Variants in ATP8A1 observed in about 807,000 individuals in gnomAD.
The protein encoded by ATP8A1 is ATPase phospholipid transporting 8A1, also known as phospholipid-transporting ATPase IA.
Under a neutral mutation model 177.7 loss-of-function variants are expected in ATP8A1, and 90 were observed. That is an observed-to-expected ratio of 0.51 (90% CI 0.43 to 0.60). The LOEUF is 0.60. Among genes scored for constraint, ATP8A1 ranks in the 20% least tolerant of loss-of-function variants. ATP8A1 has a pLI of 0.00. For synonymous variants in ATP8A1, 493 were observed against 485.9 expected (o/e 1.01, Z -0.19); for missense variants, 1,072 against 1,392.8 (o/e 0.77, Z 3.67).
At chr4:42,622,703 C>T (rs1737603236) in intron 4 of ATP8A1, among the ~76,000 whole-genome samples, 2 of 151,930 alleles carry the variant, frequency 1.3e-5, no homozygotes, top group Non-Finnish European at 2.9e-5. Flanking sequence ...AAGAAGAAAA[C>T]AACCCCATTA....
intron 18 of ATP8A1, among the ~76,000 whole-genome samples, chr4:42,550,049 T>G (rs1729340266): frequency 1.3e-5 from 2 of 152,216 alleles, no homozygotes; most frequent in African/African-American, 4.8e-5. Context: ...ATTCCCATCC[T>G]ATAAATCCCC....
chr4:42,539,558 A>G (rs1217058050), intron 20 of ATP8A1, among the ~76,000 whole-genome samples: 1 of 152,202 alleles, frequency 6.6e-6, no homozygotes, highest in Non-Finnish European at 1.5e-5. Flanking sequence ...AAAATTTATT[A>G]CAAGGCTATA....
intron 1 of ATP8A1, among the ~76,000 whole-genome samples, chr4:42,634,965 G>A (rs949211998): frequency 1.3e-5 from 2 of 152,002 alleles, no homozygotes; most frequent in African/African-American, 4.8e-5. Context: ...AACAGTTCCC[G>A]TCACCCTATC....
chr4:42,541,556 CA>C (rs1728389015), intron 20 of ATP8A1, among the ~76,000 whole-genome samples: 1 of 152,148 alleles, frequency 6.6e-6, no homozygotes, highest in Non-Finnish European at 1.5e-5. Flanking sequence ...TATGTTTACA[CA>C]AAAACATGCA....
rs538712291 is a variant in ATP8A1, at chr4:42,471,708, A to G, written c.2325-6632T>C. The G allele has an allele frequency of 1.1e-4, 30 of 267,260 alleles. No homozygotes were observed. In the East Asian group the frequency reaches 1.3e-3, roughly 11 times the overall value. The allele number at this position is 267,260 out of a possible 1,614,324, so 16.6% of individuals were successfully genotyped here. A position where few individuals can be genotyped will look rare whatever the true frequency, so the allele number is the denominator to read the frequency against. On this transcript the variant is annotated intron_variant, in intron 25 of 36. Transcript: ENST00000381668. The stretch of plus-strand genomic sequence containing the variant: ...TTGCTGTTCATTTTCTCTTCAGAAA[A>G]TATCATCTAGTTATATTGAACCTAG...
intron 33 of ATP8A1, among the ~76,000 whole-genome samples, chr4:42,430,386 A>G (rs771955346): frequency 2.6e-5 from 4 of 152,092 alleles, no homozygotes; most frequent in Non-Finnish European, 5.9e-5. Flanking sequence ...TCAACCCTCC[A>G]GAGACTTGGA....
chr4:42,485,547 C>G lies in ATP8A1; in HGVS notation c.2273G>C (p.Arg758Pro), dbSNP rs752026708. ...TLKYALTFGV[R>P]QYFLDLALSC... ...CAAAGCTAAGTCCAGGAAATACTGT[C>G]GTACTCCAAAGGTTAAGGCATATTT... Residue 758 changes from arginine (R) to proline (P), a missense_variant, in exon 25 of 37, where the codon CGA (arginine) becomes CCA (proline). This residue lies in a region of ATP8A1 where 388 missense variants were observed against 471.7 expected (regional missense o/e 0.82). Coordinates refer to ENST00000381668, the MANE Select transcript of ATP8A1 (RefSeq NM_006095.2). 2.5e-5 allele frequency: 41 copies of G among 1,613,450 alleles called. No individual in the cohort carries two copies. Among genetic ancestry groups the G allele is most frequent in the Non-Finnish European group, 3.3e-5 (39 of 1,179,756 alleles).
At chr4:42,542,793 TC>T (rs1728541556) in intron 20 of ATP8A1, among the ~76,000 whole-genome samples, 1 of 152,156 alleles carries the variant, frequency 6.6e-6, no homozygotes, top group Non-Finnish European at 1.5e-5. Flanking sequence ...TGCATAGTAT[TC>T]CATGGTGTAT....
chr4:42,489,291 T>G (rs574078265), intron 24 of ATP8A1, among the ~76,000 whole-genome samples: 42 of 152,310 alleles, frequency 2.8e-4, no homozygotes, highest in South Asian at 6.2e-4. Flanking sequence ...ACCCCAGAAC[T>G]GTGAAACGCC....
At chr4:42,463,754 C>T (rs988981051) in intron 27 of ATP8A1, among the ~76,000 whole-genome samples, 5 of 152,190 alleles carry the variant, frequency 3.3e-5, no homozygotes, top group South Asian at 4.1e-4. Context: ...AAATCCCTTG[C>T]TATCCAGACA....
rs914987479 is a variant in ATP8A1 at position 42,623,250 on chromosome 4, G to C, written c.363+1286C>G. ...GAACATTTATACACTGTTGGTGGGA[G>C]TGTAAATTAGTTTTGACCATTGTGG... On this transcript the variant is annotated intron_variant, in intron 4 of 36. Transcript: ENST00000381668. Among the ~76,000 whole-genome samples the C allele has an allele frequency of 2.6e-5, 4 of 152,152 alleles. No individual in the cohort carries two copies. The East Asian group carries it at 7.7e-4, about 29-fold the overall frequency.
At chr4:42,554,759 C>T (rs13133445) in intron 16 of ATP8A1, among the ~76,000 whole-genome samples, 53,681 of 151,938 alleles carry the variant, frequency 0.35, 9,718 homozygotes, top group Non-Finnish European at 0.4. Context: ...GACTGAAGGA[C>T]GCAAAGTGTT....
chr4:42,422,542 A>C (rs1371450334), intron 35 of ATP8A1, among the ~76,000 whole-genome samples: 1 of 152,098 alleles, frequency 6.6e-6, no homozygotes, highest in Non-Finnish European at 1.5e-5. Context: ...ACTTCATTCA[A>C]CTCTTACAAC....
At chr4:42,496,940 T>C (rs995560087) in intron 24 of ATP8A1, among the ~76,000 whole-genome samples, 33 of 152,290 alleles carry the variant, frequency 2.2e-4, no homozygotes, top group African/African-American at 7.2e-4. Flanking sequence ...CATTGTCATA[T>C]TCCAGAAGAG....
intron 30 of ATP8A1, 62 bp from the exon 31 acceptor site, chr4:42,446,706 G>A: frequency 6.8e-7 from 1 of 1,463,266 alleles, no homozygotes; most frequent in Admixed American, 1.7e-5. Context: ...TCTTTTCAAA[G>A]ATATTCAGAA....
At chr4:42,517,711 C>G (rs139686032) in intron 22 of ATP8A1, among the ~76,000 whole-genome samples, 2 of 152,194 alleles carry the variant, frequency 1.3e-5, no homozygotes, top group African/African-American at 4.8e-5. Context: ...GCAACTGATT[C>G]GTGAAACAAC....
chr4:42,617,292 C>A (rs1268539545), intron 4 of ATP8A1, among the ~76,000 whole-genome samples: 1 of 152,188 alleles, frequency 6.6e-6, no homozygotes, highest in Non-Finnish European at 1.5e-5. Flanking sequence ...CAAAATGCCT[C>A]TGCGAAAGAA....
At chr4:42,585,741 C>T (rs991578023) in intron 9 of ATP8A1, among the ~76,000 whole-genome samples, 4 of 151,770 alleles carry the variant, frequency 2.6e-5, no homozygotes, top group Non-Finnish European at 5.9e-5. Context: ...CCTTAACTGG[C>T]TTGGCTTACT....
At chr4:42,637,063 C>T in intron 1 of ATP8A1, 1 of 504,578 alleles carries the variant, frequency 2.0e-6, no homozygotes, top group Non-Finnish European at 3.9e-6. Context: ...GTCCCAACAC[C>T]CATCTAATGT....
Sources: gnomAD v4.1 joint callset for allele counts (sites outside exome capture counted in the v4.1 genomes callset) on GRCh38, gnomAD v4.1.1 for gene constraint, gnomAD v4.1.1 regional missense constraint, MANE v1.5 for transcripts, NCBI Gene and HGNC (gene_info 2026-07-23, HGNC 2026-07-21) for gene names.